The following BICDL1 variants were observed in gnomAD, a reference collection of about 807,000 sequenced individuals.
BICDL1 encodes BICD family-like cargo adapter 1.
BICDL1 carries 20 observed loss-of-function variants against 76.8 expected under a neutral mutation model. That is an observed-to-expected ratio of 0.26 (90% CI 0.18 to 0.38). BICDL1 has a LOEUF of 0.38. Among genes scored for constraint, BICDL1 ranks in the 10% least tolerant of loss-of-function variants. BICDL1 has a pLI of 1.00. For synonymous variants in BICDL1, 383 were observed against 337.1 expected, an observed-to-expected ratio of 1.14 and a Z score of -1.49; for missense variants, 700 against 798.6, an observed-to-expected ratio of 0.88 and a Z score of 1.49.
chr12:119,997,970 C>G (rs781313752), intron 1 of BICDL1, among the ~76,000 whole-genome samples: 1 of 152,042 alleles, frequency 6.6e-6, no homozygotes, highest in Admixed American at 6.6e-5. Context: ...AAAAATCAGC[C>G]CAGTGTCATG....
At position 120,001,134 on chromosome 12, in the gene BICDL1, A is replaced by C. The variant is rs997591342; in HGVS notation, c.645+2398A>C. On this transcript the variant is annotated intron_variant, in intron 2 of 9. Transcript: ENST00000548673. ...GCCCCTGGGGTTTCCATCAGCAGCA[A>C]GTTTAGATAGCGTTTTATTAACTGA... 6.6e-5 allele frequency among the ~76,000 whole-genome samples: 10 copies of C among 152,186 alleles called. No individual in the cohort carries two copies. The East Asian group carries it at 1.7e-3, about 26-fold the overall frequency.
At chr12:120,039,787 C>T (rs1952601683) in intron 2 of BICDL1, among the ~76,000 whole-genome samples, 1 of 152,168 alleles carries the variant, frequency 6.6e-6, no homozygotes, top group African/African-American at 2.4e-5. Flanking sequence ...CTCTTCCACC[C>T]TCCCCCACTT....
At chr12:120,017,763 C>T (rs1343171185) in intron 2 of BICDL1, among the ~76,000 whole-genome samples, 1 of 152,084 alleles carries the variant, frequency 6.6e-6, no homozygotes, top group Non-Finnish European at 1.5e-5. Flanking sequence ...AAGATTTGGC[C>T]GCATAATAGT....
rs1169229079 is a variant in BICDL1, at chr12:120,069,315, G to A, written c.910-2307G>A. Among the ~76,000 whole-genome samples, 6 of 152,308 alleles carry A rather than the reference G, an allele frequency of 3.9e-5. No individual in the cohort carries two copies. The East Asian group carries it at 1.2e-3, about 29-fold the overall frequency. On this transcript the variant is annotated intron_variant, in intron 4 of 9. Transcript: ENST00000548673. ...AAACAGGTGAACGTGCAGGATGAAG[G>A]ACTGATGTTAGACATGGCAAAACTG...
intron 1 of BICDL1, among the ~76,000 whole-genome samples, chr12:119,996,380 AG>A (rs1325135008): frequency 6.6e-6 from 1 of 152,242 alleles, no homozygotes; most frequent in African/African-American, 2.4e-5. Context: ...ATAAGATGGC[AG>A]GATGAAGGAG....
At chr12:120,054,627 A>C (rs1361372951) in intron 2 of BICDL1, among the ~76,000 whole-genome samples, 2 of 152,150 alleles carry the variant, frequency 1.3e-5, no homozygotes, top group Admixed American at 6.6e-5. Flanking sequence ...GCCTAATCCC[A>C]ACACTTTGGG....
intron 2 of BICDL1, among the ~76,000 whole-genome samples, chr12:120,025,603 A>G (rs1454109653): frequency 2.0e-5 from 3 of 152,298 alleles, no homozygotes; most frequent in Middle Eastern, 3.4e-3. Context: ...TCCCTACTGC[A>G]TAGCATTGAC....
intron 1 of BICDL1, among the ~76,000 whole-genome samples, chr12:119,991,901 A>G (rs1379611245): frequency 6.6e-6 from 1 of 152,222 alleles, no homozygotes; most frequent in Non-Finnish European, 1.5e-5. Flanking sequence ...AGAATAAATT[A>G]TCTTTGACAT....
rs147951697 is a variant in BICDL1, at chr12:120,091,611, GAGA to G, written c.1705-1385_1705-1383del. 2.4e-3 allele frequency: 2,370 copies of G among 984,750 alleles called. 48 individuals are homozygous for G. The South Asian group carries it at 0.051, about 21-fold the overall frequency. The allele number at this position is 984,750 out of a possible 1,614,324, so 61.0% of individuals were successfully genotyped here. A position where few individuals can be genotyped will look rare whatever the true frequency, so the allele number is the denominator to read the frequency against. On this transcript the variant is annotated intron_variant, in intron 9 of 9. Transcript: ENST00000548673. ...GAGAAGGGAAGAAGACAAGGGCAAGGAGAAGACCAGGAATGAGCTGAGTCTGAA... is the reference window on the plus strand; with the variant it reads ...GAGAAGGGAAGAAGACAAGGGCAAGGAGACCAGGAATGAGCTGAGTCTGAA...
intron 2 of BICDL1, among the ~76,000 whole-genome samples, chr12:120,042,163 C>G (rs899542324): frequency 6.6e-6 from 1 of 152,102 alleles, no homozygotes; most frequent in African/African-American, 2.4e-5. Flanking sequence ...ATTAATTTTA[C>G]TCGATAAATC....
rs1030689091 is a variant in BICDL1 at position 119,998,415 on chromosome 12, T to C, written c.430-106T>C. 8 of 894,482 alleles carry C rather than the reference T, an allele frequency of 8.9e-6. No individual in the cohort carries two copies. The African/African-American group carries it at 1.0e-4, about 11-fold the overall frequency. The allele number at this position is 894,482 out of a possible 1,614,324, so 55.4% of individuals were successfully genotyped here. A position where few individuals can be genotyped will look rare whatever the true frequency, so the allele number is the denominator to read the frequency against. ...TTGTCCTATGTGGTAGGGTGTTTTA[T>C]TGTGTCTACTGACTAGGAAAAAGAA... On this transcript the variant is annotated intron_variant, in intron 1 of 9. Transcript: ENST00000548673.
chr12:120,005,293 A>T lies in BICDL1; in HGVS notation c.645+6557A>T, dbSNP rs577315335. On this transcript the variant is annotated intron_variant, in intron 2 of 9. Transcript: ENST00000548673. ...AAATACTAGCCATGGTTTGGTGTTA[A>T]TTTTTTTTGTATTTCTTCATATGTG... Among the ~76,000 whole-genome samples the T allele has an allele frequency of 1.1e-4, 16 of 152,030 alleles. No individual in the cohort carries two copies. The South Asian group carries it at 1.5e-3, about 14-fold the overall frequency.
At chr12:120,029,427 A>T (rs1311121392) in intron 2 of BICDL1, among the ~76,000 whole-genome samples, 1 of 152,060 alleles carries the variant, frequency 6.6e-6, no homozygotes, top group Non-Finnish European at 1.5e-5. Context: ...CCATTCATGG[A>T]CCCCGAATTG....
In BICDL1 at chr12:120,072,546, T is replaced by C; in HGVS notation, c.1125T>C (p.Val375=). ...RLQLWEAYCQ[V]RYLCSHLRGN... is the part of the protein sequence containing the mutation. Reference sequence around the variant, plus strand: ...AGCTCTGGGAAGCCTACTGCCAGGTTCGCTATCTGTGCTCACACCTTCGAG... The same window carrying C: ...AGCTCTGGGAAGCCTACTGCCAGGTCCGCTATCTGTGCTCACACCTTCGAG... Residue 375 remains valine (V), a synonymous_variant, in exon 6 of 10, where the codon GTT becomes GTC. Transcript: ENST00000548673. 19 of 1,614,168 alleles carry C rather than the reference T, an allele frequency of 1.2e-5. No homozygotes were observed. The highest frequency in any genetic ancestry group is 1.6e-5 in the Non-Finnish European group (19 of 1,180,018).
chr12:120,036,363 T>C (rs75328973), intron 2 of BICDL1, among the ~76,000 whole-genome samples: 2,058 of 152,364 alleles, frequency 0.014, 45 homozygotes, highest in East Asian at 0.044. Flanking sequence ...TTTATGCTAG[T>C]TTAATTCTTT....
intron 2 of BICDL1, among the ~76,000 whole-genome samples, chr12:120,053,216 C>T (rs1952901788): frequency 6.6e-6 from 1 of 152,172 alleles, no homozygotes; most frequent in African/African-American, 2.4e-5. Context: ...TCCCGAGTAG[C>T]TGGGATTACA....
At chr12:120,030,430 C>A (rs1378493993) in intron 2 of BICDL1, among the ~76,000 whole-genome samples, 1 of 152,174 alleles carries the variant, frequency 6.6e-6, no homozygotes, top group Non-Finnish European at 1.5e-5. Context: ...GAAAGTGAGA[C>A]AGGCTTGCGT....
chr12:120,043,823 G>A (rs1005461730), intron 2 of BICDL1, among the ~76,000 whole-genome samples: 8 of 152,212 alleles, frequency 5.3e-5, no homozygotes, highest in Non-Finnish European at 1.0e-4. Context: ...TTGAATACCT[G>A]CCATGTGCCA....
At chr12:120,012,315 A>G (rs996059592) in intron 2 of BICDL1, among the ~76,000 whole-genome samples, 2 of 152,350 alleles carry the variant, frequency 1.3e-5, no homozygotes, top group African/African-American at 4.8e-5. Context: ...AAAATTATGC[A>G]TCATAGTACT....
Sources: gnomAD v4.1 joint callset for allele counts (sites outside exome capture counted in the v4.1 genomes callset) on GRCh38, gnomAD v4.1.1 for gene constraint, MANE v1.5 for transcripts, NCBI Gene and HGNC (gene_info 2026-07-23, HGNC 2026-07-21) for gene names.